SMARCA4: variants seen among roughly 807,000 people sequenced by gnomAD.
SMARCA4 encodes the protein SWI/SNF related BAF chromatin remodeling complex subunit ATPase 4, also known as SWI/SNF-related matrix-associated actin-dependent regulator of chromatin subfamily A member 4.
In SMARCA4, 31 loss-of-function variants were observed where a neutral mutation model predicts 193.9. The observed-to-expected ratio is 0.16, with a 90% CI of 0.12 to 0.22. SMARCA4 has a LOEUF of 0.22. SMARCA4 is among the 10% of genes least tolerant of loss of function. The pLI is 1.00. For synonymous variants in SMARCA4, 942 were observed against 933.1 expected (o/e 1.01, Z -0.17); for missense variants, 1,148 against 2,296.0 (o/e 0.50, Z 10.22).
intron 18 of SMARCA4, chr19:11,021,485 C>A: frequency 1.6e-6 from 1 of 642,872 alleles, no homozygotes. Context: ...TTGCATTGTT[C>A]ACCTGCCAAT....
chr19:10,993,756 C>T (rs1261597311), intron 8 of SMARCA4, among the ~76,000 whole-genome samples: 1 of 151,986 alleles, frequency 6.6e-6, no homozygotes. Context: ...TGCCATTCTT[C>T]TGCCTCGGCC....
At chr19:10,974,084 C>T (rs896505803) in intron 1 of SMARCA4, among the ~76,000 whole-genome samples, 7 of 152,122 alleles carry the variant, frequency 4.6e-5, no homozygotes, top group African/African-American at 1.7e-4. Flanking sequence ...ATCCTGGGAC[C>T]AAACTTAAAT....
rs560425119 is a variant in SMARCA4 at position 11,019,944 on chromosome 19, C to T, written c.2616+243C>T. 6.6e-6 allele frequency among the ~76,000 whole-genome samples: 1 copy of T among 152,384 alleles called. No homozygotes were observed. Among genetic ancestry groups the T allele is most frequent in the East Asian group, 1.9e-4 (1 of 5,186 alleles). ...GCTGGGGCCATCTACACAGCATGCG[C>T]TCTGCCTCCTCTCGGGCCTTCTGCC... On this transcript the variant is annotated intron_variant, in intron 18 of 34. Transcript: ENST00000344626. The surrounding 1 kb of genome is among the most constrained non-coding windows in gnomAD (Gnocchi z 6.1).
At chr19:11,060,873 G>C (rs772083043) in intron 34 of SMARCA4, among the ~76,000 whole-genome samples, 4 of 152,214 alleles carry the variant, frequency 2.6e-5, no homozygotes, top group Non-Finnish European at 4.4e-5. Flanking sequence ...CTGGGAATTA[G>C]TCTGACGAAA....
chr19:10,964,597 T>A (rs959836698), intron 1 of SMARCA4, among the ~76,000 whole-genome samples: 2 of 149,966 alleles, frequency 1.3e-5, no homozygotes, highest in South Asian at 4.2e-4. Context: ...GGATTACAAG[T>A]ATGAGCCACC....
At chr19:11,047,127 A>G (rs2075976977) in intron 30 of SMARCA4, among the ~76,000 whole-genome samples, 1 of 152,098 alleles carries the variant, frequency 6.6e-6, no homozygotes, top group South Asian at 2.1e-4. Flanking sequence ...CCACAAGATC[A>G]CCCTCAAGTG....
chr19:10,984,512 C>A lies in SMARCA4; in HGVS notation c.222+139C>A, dbSNP rs575856549. 1.4e-6 allele frequency: 2 copies of A among 1,431,256 alleles called. No homozygotes were observed. Among genetic ancestry groups the A allele is most frequent in the Non-Finnish European group, 9.5e-7 (1 of 1,049,072 alleles). 88.7% of individuals were successfully genotyped at this position (1,431,256 alleles called of 1,614,324 possible). On this transcript the variant is annotated intron_variant, in intron 2 of 34. Transcript: ENST00000344626. The surrounding 1 kb of genome is among the most constrained non-coding windows in gnomAD (Gnocchi z 4.3). ...TGTCCTGCCTTGGCTCAGCCCCCTA[C>A]CCCAGGGCCCACGGCCATGAACAGA...
In SMARCA4 at chr19:11,019,107, A is replaced by G; in HGVS notation, c.2505+84A>G. 3 of 1,010,536 alleles carry G rather than the reference A, an allele frequency of 3.0e-6. No homozygotes were observed. The highest frequency in any genetic ancestry group is 2.3e-4 in the Middle Eastern group (1 of 4,288). 62.6% of individuals were successfully genotyped at this position (1,010,536 alleles called of 1,614,324 possible). A position where few individuals can be genotyped will look rare whatever the true frequency, so the allele number is the denominator to read the frequency against. ...AGGACGTCCACACATACCTCTGGACAGTGAACCTGAGAATGCTGGGTCTCC... is the reference window on the plus strand; with the variant it reads ...AGGACGTCCACACATACCTCTGGACGGTGAACCTGAGAATGCTGGGTCTCC... On this transcript the variant is annotated intron_variant, in intron 17 of 34. Coordinates refer to ENST00000344626, the MANE Select transcript of SMARCA4 (RefSeq NM_003072.5). This position sits in a 1 kb window ranked among gnomAD's most constrained non-coding sequence, Gnocchi z 6.1.
At chr19:11,046,773 CAG>C (rs1191390959) in intron 30 of SMARCA4, among the ~76,000 whole-genome samples, 5 of 151,946 alleles carry the variant, frequency 3.3e-5, no homozygotes, top group African/African-American at 9.7e-5. Context: ...CTGAGCAAAA[CAG>C]GGAGACCCCG....
chr19:11,061,220 T>A lies in SMARCA4; in HGVS notation c.4912-564T>A, dbSNP rs1314506187. 2.5e-3 allele frequency among the ~76,000 whole-genome samples: 321 copies of A among 127,542 alleles called. 6 individuals are homozygous for A. The highest frequency in any genetic ancestry group is 7.7e-3 in the Middle Eastern group (2 of 260). The allele number at this position is 127,542 out of a possible 152,430, so 83.7% of individuals were successfully genotyped here. A position where few individuals can be genotyped will look rare whatever the true frequency, so the allele number is the denominator to read the frequency against. ...AAAAAAAAAAATATATATATATATA[T>A]ATATATATATATATATATATATGAA... On this transcript the variant is annotated intron_variant, in intron 34 of 34. Transcript: ENST00000344626.
chr19:10,961,418 T>A (rs934328882), intron 1 of SMARCA4: 1 of 150,348 alleles, frequency 6.7e-6, no homozygotes, highest in African/African-American at 2.4e-5. Context: ...CCGGGCCGCG[T>A]GGAGGCCGCG....
At chr19:10,997,515 G>A (rs374290912) in intron 11 of SMARCA4, among the ~76,000 whole-genome samples, 1 of 152,032 alleles carries the variant, frequency 6.6e-6, no homozygotes, top group Non-Finnish European at 1.5e-5. Context: ...TAGTAGAGAC[G>A]GGGTTTCACC....
At chr19:11,027,400 T>C (rs1021768909) in intron 23 of SMARCA4, among the ~76,000 whole-genome samples, 1 of 152,134 alleles carries the variant, frequency 6.6e-6, no homozygotes, top group Non-Finnish European at 1.5e-5. Flanking sequence ...CATGGGTGTC[T>C]CCAGTGTGGC....
At chr19:11,025,624 T>C in intron 22 of SMARCA4, 116 bp downstream of exon 22, 1 of 763,808 alleles carries the variant, frequency 1.3e-6, no homozygotes, top group Non-Finnish European at 2.3e-6. Context: ...CATTAGGTAA[T>C]GCCTGTACAT....
intron 30 of SMARCA4, among the ~76,000 whole-genome samples, chr19:11,046,948 C>CAAAA (rs35450843): frequency 5.8e-4 from 53 of 91,834 alleles, no homozygotes; most frequent in South Asian, 1.5e-3. Context: ...GACCCTGTTG[C>CAAAA]AAAAAAAAAA....
chr19:11,053,930 CAG>C (rs1180487884), intron 30 of SMARCA4, among the ~76,000 whole-genome samples: 2 of 152,126 alleles, frequency 1.3e-5, no homozygotes, highest in Non-Finnish European at 2.9e-5. Context: ...AGAAAAGAAA[CAG>C]ACAATTCCTA....
rs2146696169 is a variant in SMARCA4, at chr19:11,034,927, A to G, written c.3965A>G (p.Asp1322Gly). 1.9e-6 allele frequency: 3 copies of G among 1,568,750 alleles called. No individual in the cohort carries two copies. The highest frequency in any genetic ancestry group is 2.6e-6 in the Non-Finnish European group (3 of 1,158,338). ...EFDLFMRMDLDRRREEARNPK... is the reference protein window; with the variant it reads ...EFDLFMRMDLGRRREEARNPK... Reference sequence around the variant, plus strand: ...CCTGCCCACCAGCGCATGGACCTGGACCGCAGGCGCGAGGAGGCCCGCAAC... The same window carrying G: ...CCTGCCCACCAGCGCATGGACCTGGGCCGCAGGCGCGAGGAGGCCCGCAAC... The change falls in exon 29 of 35, where the codon GAC (aspartate) becomes GGC (glycine). Residue 1322 changes from aspartate to glycine, a missense_variant. Transcript: ENST00000344626. The surrounding 1 kb of genome is among the most constrained non-coding windows in gnomAD (Gnocchi z 7.0).
chr19:11,023,918 C>A (rs1484255674), intron 20 of SMARCA4, among the ~76,000 whole-genome samples: 1 of 152,254 alleles, frequency 6.6e-6, no homozygotes, highest in Non-Finnish European at 1.5e-5. Flanking sequence ...TCAGGAGGGG[C>A]CGTGGGCTTG....
chr19:11,039,330 G>A, intron 29 of SMARCA4: 1 of 545,080 alleles, frequency 1.8e-6, no homozygotes, highest in Non-Finnish European at 3.2e-6. Context: ...CTCCAGCCTG[G>A]GCGACAGAAT....
Sources: gnomAD v4.1 joint callset for allele counts (sites outside exome capture counted in the v4.1 genomes callset) on GRCh38, gnomAD v4.1.1 for gene constraint, Gnocchi (gnomAD v3.1) non-coding constraint, MANE v1.5 for transcripts, NCBI Gene and HGNC (gene_info 2026-07-23, HGNC 2026-07-21) for gene names.